The following FAT1 variants were observed in gnomAD, a reference collection of about 807,000 sequenced individuals.
FAT1 encodes FAT atypical cadherin 1.
In FAT1, 171 loss-of-function variants were observed where a neutral mutation model predicts 329.8. The observed-to-expected ratio is 0.52, with a 90% confidence interval of 0.46 to 0.59. The LOEUF (loss-of-function observed/expected upper bound fraction) is 0.59, where lower values mean the gene tolerates loss of function less well. Ranked by LOEUF, FAT1 falls within the 20% of genes least tolerant of loss-of-function variation. FAT1 has a pLI of 0.00. For missense variants in FAT1, 5,672 were observed against 5,774.4 expected (o/e 0.98, Z 0.57); for synonymous variants, 2,233 against 2,228.6 (o/e 1.00, Z -0.06).
chr4:186,640,433 T>C (rs80334651), intron 3 of FAT1, among the ~76,000 whole-genome samples: 1,876 of 152,292 alleles, frequency 0.012, 39 homozygotes, highest in African/African-American at 0.043. Flanking sequence ...TTCAATCTCA[T>C]CCATCTCCTT....
At chr4:186,647,531 TCTCA>T (rs1741436615) in intron 3 of FAT1, among the ~76,000 whole-genome samples, 1 of 152,152 alleles carries the variant, frequency 6.6e-6, no homozygotes, top group African/African-American at 2.4e-5. Flanking sequence ...TATTCAGTGA[TCTCA>T]CTTTCTTCTA....
chr4:186,635,358 G>A (rs1478807946), intron 6 of FAT1, among the ~76,000 whole-genome samples: 3 of 152,104 alleles, frequency 2.0e-5, no homozygotes, highest in Admixed American at 2.0e-4. Flanking sequence ...TAAAAAATAC[G>A]TTGAATAGGG....
intron 3 of FAT1, among the ~76,000 whole-genome samples, chr4:186,640,706 C>T (rs957845975): frequency 8.5e-5 from 13 of 152,158 alleles, no homozygotes; most frequent in Non-Finnish European, 1.9e-4. Flanking sequence ...TGAGTTTTGA[C>T]CTCTCTTGAG....
intron 2 of FAT1, among the ~76,000 whole-genome samples, chr4:186,670,488 G>A (rs552917481): frequency 1.3e-5 from 2 of 152,158 alleles, no homozygotes; most frequent in East Asian, 1.9e-4. Flanking sequence ...CAATACTCAC[G>A]GAAAAAGAAG....
intron 2 of FAT1, among the ~76,000 whole-genome samples, chr4:186,667,502 T>C (rs1249335708): frequency 3.9e-5 from 6 of 152,240 alleles, no homozygotes; most frequent in Non-Finnish European, 8.8e-5. Flanking sequence ...CCTATCGTGA[T>C]TGCTGAGATA....
chr4:186,621,887 AG>A, intron 9 of FAT1, 112 bp from the exon 10 acceptor site: 1 of 685,396 alleles, frequency 1.5e-6, no homozygotes, highest in South Asian at 2.4e-5. Flanking sequence ...GAAATTAAGC[AG>A]AAACTCAGGG....
intron 2 of FAT1, among the ~76,000 whole-genome samples, chr4:186,692,315 A>ATTT (rs1403014425): frequency 0.011 from 1,686 of 148,610 alleles, 37 homozygotes; most frequent in African/African-American, 0.041. Context: ...TTATTTATTT[A>ATTT]TTTATTTATT....
intron 2 of FAT1, among the ~76,000 whole-genome samples, chr4:186,667,052 T>C (rs1742475050): frequency 6.6e-6 from 1 of 152,222 alleles, no homozygotes; most frequent in African/African-American, 2.4e-5. Flanking sequence ...TCAGCAGGAA[T>C]GTATTAAATG....
rs749545474 is a variant in FAT1 at position 186,589,156 on chromosome 4, G to T, written c.13203C>A (p.Pro4401=). Residue 4401 remains proline, a synonymous_variant, in exon 27 of 27, where the codon CCC becomes CCA. Transcript: ENST00000441802. ...SVPLPDIQEF[P]NYEVIDEQTP... The stretch of plus-strand genomic sequence containing the variant: ...TCTGCTCATCAATCACCTCATAGTT[G>T]GGGAACTCTTGTATGTCCGGCAGAG... 1 of 1,613,802 alleles carries T rather than the reference G, an allele frequency of 6.2e-7. No homozygotes were observed.
rs1400631217 is a variant in FAT1 at position 186,618,582 on chromosome 4, G to T, written c.8004C>A (p.Phe2668Leu). ...CCACAGCTCTAACAAAGAAAGTGAA[G>T]AATTCATTTTCCAAGCCAATGAGGC... ...KESLIGLENE[F>L]FTFFVRAVDN... Residue 2668 changes from phenylalanine (F) to leucine (L), a missense_variant, in exon 10 of 27, where the codon TTC becomes TTA. By Grantham distance (22) the Phe-to-Leu change is conservative. This residue lies in a region of FAT1 where 3,966 missense variants were observed against 3,915.2 expected (regional missense o/e 1.01). Coordinates refer to ENST00000441802, the MANE Select transcript of FAT1 (RefSeq NM_005245.4). The T allele has an allele frequency of 6.2e-7, 1 of 1,614,030 alleles. No homozygotes were observed. Among genetic ancestry groups the T allele is most frequent in the African/African-American group, 1.3e-5 (1 of 75,058 alleles).
intron 2 of FAT1, among the ~76,000 whole-genome samples, chr4:186,673,709 G>A (rs946992578): frequency 4.6e-5 from 7 of 152,292 alleles, no homozygotes; most frequent in Middle Eastern, 6.8e-3. Flanking sequence ...TTACTAAAAC[G>A]TAGTATTAAT....
intron 3 of FAT1, among the ~76,000 whole-genome samples, chr4:186,641,123 T>C (rs1741070135): frequency 6.6e-6 from 1 of 152,244 alleles, no homozygotes; most frequent in Non-Finnish European, 1.5e-5. Context: ...AGGCTTGTGT[T>C]TTCACTTAAT....
chr4:186,617,313 G>T, intron 10 of FAT1, 112 bp from the exon 11 acceptor site: 1 of 781,408 alleles, frequency 1.3e-6, no homozygotes, highest in Non-Finnish European at 1.9e-6. Flanking sequence ...TAAAAGAATT[G>T]AGTATTAAAA....
chr4:186,616,441 G>A (rs1253861239), intron 11 of FAT1, among the ~76,000 whole-genome samples: 1 of 151,930 alleles, frequency 6.6e-6, no homozygotes, highest in African/African-American at 2.4e-5. Context: ...CCGAAGCTGA[G>A]CCAGCCCTTT....
At position 186,639,717 on chromosome 4, in the gene FAT1, C is replaced by A. The variant is rs77049956; in HGVS notation, c.3642+5G>T. ...TTAAGTATTAAAGATAAAAAAAAAA[C>A]TTACCTCTAATATGTGTTCATCTTG... is the stretch of plus-strand genomic sequence containing the variant. On this transcript the variant is annotated splice_donor_5th_base_variant and intron_variant, in intron 4 of 26. Transcript: ENST00000441802. 7 of 1,590,730 alleles carry A rather than the reference C, an allele frequency of 4.4e-6. No individual in the cohort carries two copies. The highest frequency in any genetic ancestry group is 6.0e-6 in the Non-Finnish European group (7 of 1,167,366).
At chr4:186,615,461 C>A (rs1482473490) in intron 11 of FAT1, among the ~76,000 whole-genome samples, 3 of 152,156 alleles carry the variant, frequency 2.0e-5, no homozygotes, top group African/African-American at 4.8e-5. Flanking sequence ...CTCTACCCAG[C>A]CTTCTCCTGG....
At chr4:186,677,303 G>A (rs1370984436) in intron 2 of FAT1, among the ~76,000 whole-genome samples, 1 of 152,138 alleles carries the variant, frequency 6.6e-6, no homozygotes, top group African/African-American at 2.4e-5. Context: ...CACGGACACT[G>A]ATAACCTAGG....
chr4:186,630,845 C>T (rs1321338050), intron 7 of FAT1, among the ~76,000 whole-genome samples: 3 of 151,820 alleles, frequency 2.0e-5, no homozygotes, highest in Non-Finnish European at 2.9e-5. Flanking sequence ...TGCTGATGCT[C>T]GAGAGAAAGT....
In FAT1 at chr4:186,645,385, A is replaced by C. The variant is rs1167375412; in HGVS notation, c.3581-5602T>G. ...TCATTACATATATATATATATATAT[A>C]TATATATATATATATATATATATAT... On this transcript the variant is annotated intron_variant, in intron 3 of 26. Coordinates refer to ENST00000441802, the MANE Select transcript of FAT1 (RefSeq NM_005245.4). Among the ~76,000 whole-genome samples the C allele has an allele frequency of 9.6e-3, 718 of 75,112 alleles. 32 individuals are homozygous for C. Among genetic ancestry groups the C allele is most frequent in the African/African-American group, 0.037 (647 of 17,412 alleles). The allele number at this position is 75,112 out of a possible 152,430, so 49.3% of individuals were successfully genotyped here.
Sources: gnomAD v4.1 joint callset for allele counts (sites outside exome capture counted in the v4.1 genomes callset) on GRCh38, gnomAD v4.1.1 for gene constraint, gnomAD v4.1.1 regional missense constraint, MANE v1.5 for transcripts, NCBI Gene and HGNC (gene_info 2026-07-23, HGNC 2026-07-21) for gene names.